The following ZNF470 variants were observed in gnomAD, a reference collection of about 807,000 sequenced individuals.
ZNF470 encodes zinc finger protein 470, also known as chondrogenesis zinc finger protein 1.
ZNF470 carries 13 observed loss-of-function variants against 13.9 expected under a neutral mutation model. That is an observed-to-expected ratio of 0.94 (90% CI 0.61 to 1.49). The LOEUF is 1.49. Among genes scored for constraint, ZNF470 ranks in the 40% most tolerant of loss-of-function variants. ZNF470 has a pLI of 0.00. For synonymous variants in ZNF470, 293 were observed against 282.9 expected (o/e 1.04, Z -0.36); for missense variants, 929 against 857.3 (o/e 1.08, Z -1.04).
In ZNF470 at chr19:56,574,521, G is replaced by GT. The variant is rs2044476057; in HGVS notation, c.187+2dup. The stretch of plus-strand genomic sequence containing the variant: ...AACTACAGGAACCTAGTTTCAGTGG[G>GT]TAAGAGTATCTTCCTCCTGTTGCCT... On this transcript the variant is annotated splice_donor_variant, in intron 4 of 5. Coordinates refer to ENST00000330619, the MANE Select transcript of ZNF470 (RefSeq NM_001001668.4). LOFTEE classifies it high-confidence loss of function. The GT allele has an allele frequency of 6.2e-7, 1 of 1,613,654 alleles. No homozygotes were observed. The highest frequency in any genetic ancestry group is 8.5e-7 in the Non-Finnish European group (1 of 1,179,710).
At position 56,581,667 on chromosome 19, in the gene ZNF470, C is replaced by G. The variant is rs1439949472; in HGVS notation, c.*3084C>G. 1.0e-6 allele frequency: 1 copy of G among 973,318 alleles called. No individual in the cohort carries two copies. The highest frequency in any genetic ancestry group is 1.2e-6 in the Non-Finnish European group (1 of 819,106). 60.3% of individuals were successfully genotyped at this position (973,318 alleles called of 1,614,324 possible). A position where few individuals can be genotyped will look rare whatever the true frequency, so the allele number is the denominator to read the frequency against. ...TAGTATAGGCCCATAATTGTGATAT[C>G]AAAAATAAAAATCAAAATATATATT... is the stretch of plus-strand genomic sequence containing the variant. On this transcript the variant is annotated 3_prime_UTR_variant, in exon 6 of 6. Transcript: ENST00000330619.
In ZNF470 at chr19:56,579,701, G is replaced by A. The variant is rs1746267626; in HGVS notation, c.*1118G>A. The A allele has an allele frequency of 4.1e-6, 4 of 984,878 alleles. No homozygotes were observed. The highest frequency in any genetic ancestry group is 4.8e-6 in the Non-Finnish European group (4 of 829,588). The allele number at this position is 984,878 out of a possible 1,614,324, so 61.0% of individuals were successfully genotyped here. A position where few individuals can be genotyped will look rare whatever the true frequency, so the allele number is the denominator to read the frequency against. On this transcript the variant is annotated 3_prime_UTR_variant, in exon 6 of 6. Transcript: ENST00000330619. ...CATAAAAATATGTACACTGCAATTA[G>A]TTTCTGAATGTAGATGTTACAACTT...
chr19:56,582,541 T>C lies in ZNF470; in HGVS notation c.*3958T>C. The C allele has an allele frequency of 1.0e-6, 1 of 985,416 alleles. No individual in the cohort carries two copies. The highest frequency in any genetic ancestry group is 1.2e-6 in the Non-Finnish European group (1 of 829,918). 61.0% of individuals were successfully genotyped at this position (985,416 alleles called of 1,614,324 possible). On this transcript the variant is annotated 3_prime_UTR_variant, in exon 6 of 6. Transcript: ENST00000330619. ...TTGTGAATTCAGTTCTGAATTGTGT[T>C]CCCACCAGCACCACCAAATGCTGGC...
At chr19:56,570,507 T>C in intron 3 of ZNF470, 136 bp downstream of exon 3, 1 of 807,154 alleles carries the variant, frequency 1.2e-6, no homozygotes, top group Admixed American at 2.2e-5. Context: ...CTTTCTGATA[T>C]GTGATGGGGT....
Position 56,580,120 on chromosome 19 carries a change from G to T in ZNF470, c.*1537G>T, listed in dbSNP as rs931660582. On this transcript the variant is annotated 3_prime_UTR_variant, in exon 6 of 6. Coordinates refer to ENST00000330619, the MANE Select transcript of ZNF470 (RefSeq NM_001001668.4). The stretch of plus-strand genomic sequence containing the variant: ...AATGATATAAAAAAGAAGCTAGGGA[G>T]TGCTGGATCAGGCACCTTACTATCC... The T allele has an allele frequency of 9.2e-6, 9 of 983,118 alleles. No homozygotes were observed. The highest frequency in any genetic ancestry group is 1.1e-5 in the Non-Finnish European group (9 of 827,892). 60.9% of individuals were successfully genotyped at this position (983,118 alleles called of 1,614,324 possible).
In ZNF470 at chr19:56,579,844, A is replaced by G; in HGVS notation, c.*1261A>G. On this transcript the variant is annotated 3_prime_UTR_variant, in exon 6 of 6. Transcript: ENST00000330619. Reference sequence around the variant, plus strand: ...CATTGATATTCCAGTAAAAATTTCCATATTTTTTTAGTTGAGAAGCTGATT... The same window carrying G: ...CATTGATATTCCAGTAAAAATTTCCGTATTTTTTTAGTTGAGAAGCTGATT... The G allele has an allele frequency of 2.4e-5, 18 of 759,098 alleles. No individual in the cohort carries two copies. Among genetic ancestry groups the G allele is most frequent in the Non-Finnish European group, 2.7e-5 (17 of 623,842 alleles). The allele number at this position is 759,098 out of a possible 1,614,324, so 47.0% of individuals were successfully genotyped here. A position where few individuals can be genotyped will look rare whatever the true frequency, so the allele number is the denominator to read the frequency against.
Position 56,581,027 on chromosome 19 carries a change from A to G in ZNF470, c.*2444A>G, listed in dbSNP as rs1317253771. On this transcript the variant is annotated 3_prime_UTR_variant, in exon 6 of 6. Coordinates refer to ENST00000330619, the MANE Select transcript of ZNF470 (RefSeq NM_001001668.4). ...GGTTTGAAATAGACTTTAAGCACTA[A>G]TGCATAACCCCAAAGCTGACATTAG... 1 of 985,196 alleles carries G rather than the reference A, an allele frequency of 1.0e-6. No individual in the cohort carries two copies. The highest frequency in any genetic ancestry group is 1.2e-6 in the Non-Finnish European group (1 of 829,830). The allele number at this position is 985,196 out of a possible 1,614,324, so 61.0% of individuals were successfully genotyped here. A position where few individuals can be genotyped will look rare whatever the true frequency, so the allele number is the denominator to read the frequency against.
intron 3 of ZNF470, chr19:56,573,913 A>C (rs988510684): frequency 1.3e-5 from 13 of 976,398 alleles, no homozygotes; most frequent in Non-Finnish European, 1.6e-5. Context: ...TTTTTTAGGC[A>C]TACCTCTTAA....
At chr19:56,575,569 G>T (rs565588008) in intron 5 of ZNF470, among the ~76,000 whole-genome samples, 68 of 151,786 alleles carry the variant, frequency 4.5e-4, no homozygotes, top group African/African-American at 1.6e-3. Context: ...AAATGAGATG[G>T]TCCTGGTTTA....
chr19:56,582,088 A>G lies in ZNF470; in HGVS notation c.*3505A>G, dbSNP rs918801916. 2.1e-5 allele frequency: 21 copies of G among 985,272 alleles called. No homozygotes were observed. Among genetic ancestry groups the G allele is most frequent in the South Asian group, 4.7e-5 (1 of 21,288 alleles). 61.0% of individuals were successfully genotyped at this position (985,272 alleles called of 1,614,324 possible). A position where few individuals can be genotyped will look rare whatever the true frequency, so the allele number is the denominator to read the frequency against. On this transcript the variant is annotated 3_prime_UTR_variant, in exon 6 of 6. Transcript: ENST00000330619. ...ATTAGAATCTTTGGAAAAATCAGGT[A>G]TTGGGAGTTGCTTTTTGGATGAGAT... is the stretch of plus-strand genomic sequence containing the variant.
chr19:56,581,985 T>G lies in ZNF470; in HGVS notation c.*3402T>G. ...ACCCATTGTCTTTCCGGTACTTGATTTTTGCCTCCTGTTGGTCAGTTGCTT... is the reference window on the plus strand; with the variant it reads ...ACCCATTGTCTTTCCGGTACTTGATGTTTGCCTCCTGTTGGTCAGTTGCTT... On this transcript the variant is annotated 3_prime_UTR_variant, in exon 6 of 6. Coordinates refer to ENST00000330619, the MANE Select transcript of ZNF470 (RefSeq NM_001001668.4). 1 of 985,394 alleles carries G rather than the reference T, an allele frequency of 1.0e-6. No homozygotes were observed. Among genetic ancestry groups the G allele is most frequent in the Non-Finnish European group, 1.2e-6 (1 of 829,936 alleles). The allele number at this position is 985,394 out of a possible 1,614,324, so 61.0% of individuals were successfully genotyped here.
At position 56,577,795 on chromosome 19, in the gene ZNF470, AAT is replaced by A; in HGVS notation, c.1369_1370del (p.Ile457LeufsTer2). 1 of 1,613,956 alleles carries A rather than the reference AAT, an allele frequency of 6.2e-7. No individual in the cohort carries two copies. The highest frequency in any genetic ancestry group is 1.7e-5 in the Admixed American group (1 of 59,992). On this transcript the variant is annotated frameshift_variant, in exon 6 of 6. Transcript: ENST00000330619. LOFTEE classifies it low-confidence loss of function (END_TRUNC). The part of the protein sequence containing the change: ...IHTGEKPYEC[N>X]ICEKAFSHRG... ...TACAGGAGAGAAACCTTATGAATGC[AAT>A]ATCTGTGAGAAAGCCTTCAGCCATC...
In ZNF470 at chr19:56,574,516, A is replaced by G. The variant is rs1249211765; in HGVS notation, c.183A>G (p.Ser61=). The G allele has an allele frequency of 5.0e-6, 8 of 1,613,760 alleles. No homozygotes were observed. The highest frequency in any genetic ancestry group is 1.7e-5 in the Admixed American group (1 of 60,018). Residue 61 remains serine (S), a synonymous_variant, in exon 4 of 6, where the codon TCA becomes TCG. Transcript: ENST00000330619. The part of the protein sequence containing the change: ...VMLENYRNLV[S]VGLCISKPDV... ...TAGAAAACTACAGGAACCTAGTTTC[A>G]GTGGGTAAGAGTATCTTCCTCCTGT... is the stretch of plus-strand genomic sequence containing the variant.
chr19:56,581,241 G>A lies in ZNF470; in HGVS notation c.*2658G>A, dbSNP rs1281305955. 6 of 622,610 alleles carry A rather than the reference G, an allele frequency of 9.6e-6. No individual in the cohort carries two copies. The highest frequency in any genetic ancestry group is 1.2e-5 in the Non-Finnish European group (6 of 499,454). The allele number at this position is 622,610 out of a possible 1,614,324, so 38.6% of individuals were successfully genotyped here. A position where few individuals can be genotyped will look rare whatever the true frequency, so the allele number is the denominator to read the frequency against. On this transcript the variant is annotated 3_prime_UTR_variant, in exon 6 of 6. Transcript: ENST00000330619. ...AAAAGATGCAATAAAAGCAGTTAAT[G>A]AAAATTATCCAATATCACTAGAAAT...
At chr19:56,576,539 A>G (rs1057351690) in intron 5 of ZNF470, among the ~76,000 whole-genome samples, 174 bp from the exon 6 acceptor site, 1 of 152,146 alleles carries the variant, frequency 6.6e-6, no homozygotes, top group Admixed American at 6.5e-5. Context: ...GCCAAGGAGG[A>G]TTTATTACAG....
rs115657968 is a variant in ZNF470 at position 56,567,809 on chromosome 19, G to A, written c.-388G>A. The A allele has an allele frequency of 4.4e-3, 4,362 of 986,624 alleles. 147 individuals are homozygous for A. In the African/African-American group the frequency reaches 0.069, roughly 16 times the overall value. The allele number at this position is 986,624 out of a possible 1,614,324, so 61.1% of individuals were successfully genotyped here. The stretch of plus-strand genomic sequence containing the variant: ...TGTTGGAATGAGTGAAGCACTTTAA[G>A]TGGCCAAGAGCAGGAAACCCGGCCG... On this transcript the variant is annotated 5_prime_UTR_variant, in exon 1 of 6. The change creates a new upstream start codon in the 5' untranslated region. Coordinates refer to ENST00000330619, the MANE Select transcript of ZNF470 (RefSeq NM_001001668.4).
At chr19:56,574,569 A>T (rs1486436777) in intron 4 of ZNF470, 49 bp downstream of exon 4, 16 of 1,611,794 alleles carry the variant, frequency 9.9e-6, no homozygotes, top group Non-Finnish European at 1.3e-5. Flanking sequence ...GTAGTCTTTT[A>T]TGCCATTATC....
In ZNF470 at chr19:56,577,220, C is replaced by T. The variant is rs562926517; in HGVS notation, c.791C>T (p.Ala264Val). The change falls in exon 6 of 6, where the codon GCC (alanine) becomes GTC (valine). Residue 264 changes from alanine (A) to valine (V), a missense_variant. Coordinates refer to ENST00000330619, the MANE Select transcript of ZNF470 (RefSeq NM_001001668.4). ...KPYECIECGK[A>V]FSQSAHLAQH... is the part of the protein sequence containing the mutation. ...TATGAATGTATTGAATGTGGAAAGG[C>T]CTTTAGCCAGAGTGCCCACCTTGCT... The T allele has an allele frequency of 8.0e-5, 129 of 1,612,098 alleles. No homozygotes were observed. The South Asian group carries it at 1.1e-3, about 14-fold the overall frequency.
Position 56,578,421 on chromosome 19 carries a change from T to A in ZNF470, c.1992T>A (p.Leu664=). The change falls in exon 6 of 6, where the codon CTT becomes CTA. Residue 664 remains leucine, a synonymous_variant. Transcript: ENST00000330619. ...CSKAFSQVAH[L]TLHKRIHTGE... is the part of the protein sequence containing the mutation. ...AAGCCTTCAGCCAGGTTGCCCATCT[T>A]ACTCTACATAAGAGAATTCATACTG... The A allele has an allele frequency of 6.2e-7, 1 of 1,611,268 alleles. No individual in the cohort carries two copies. Among genetic ancestry groups the A allele is most frequent in the Admixed American group, 1.7e-5 (1 of 59,704 alleles).
Sources: gnomAD v4.1 joint callset for allele counts (sites outside exome capture counted in the v4.1 genomes callset) on GRCh38, gnomAD v4.1.1 for gene constraint, MANE v1.5 for transcripts, NCBI Gene and HGNC (gene_info 2026-07-23, HGNC 2026-07-21) for gene names.